Variants in SAMD4A observed in about 807,000 individuals in gnomAD.
SAMD4A encodes the protein protein Smaug homolog 1.
Under a neutral mutation model 81.3 loss-of-function variants are expected in SAMD4A, and 33 were observed. The ratio of observed to expected loss-of-function variants is 0.41; its 90% CI spans 0.31 to 0.54. The LOEUF is 0.54. Among genes scored for constraint, SAMD4A ranks in the 20% least tolerant of loss-of-function variants. SAMD4A has a pLI of 0.37. For missense variants in SAMD4A, 854 were observed against 951.1 expected, an observed-to-expected ratio of 0.90 and a Z score of 1.34; for synonymous variants, 389 against 382.1, an observed-to-expected ratio of 1.02 and a Z score of -0.21.
chr14:54,763,846 A>G (rs769020350), intron 7 of SAMD4A, among the ~76,000 whole-genome samples: 1 of 152,140 alleles, frequency 6.6e-6, no homozygotes, highest in Non-Finnish European at 1.5e-5. Context: ...ACTCTGTTCC[A>G]TCCTATTTAG....
chr14:54,672,027 T>G (rs927643010), intron 2 of SAMD4A, among the ~76,000 whole-genome samples: 14 of 150,962 alleles, frequency 9.3e-5, no homozygotes, highest in African/African-American at 2.4e-4. Flanking sequence ...AGTGTTTTTT[T>G]TTTTTTTTTT....
chr14:54,734,206 C>T (rs761209650), intron 3 of SAMD4A, among the ~76,000 whole-genome samples: 2 of 152,186 alleles, frequency 1.3e-5, no homozygotes, highest in Non-Finnish European at 2.9e-5. Context: ...TGCCTCCAGG[C>T]CTTGGTTCCT....
chr14:54,773,535 G>T (rs1194562257), intron 9 of SAMD4A, among the ~76,000 whole-genome samples: 1 of 152,204 alleles, frequency 6.6e-6, no homozygotes, highest in African/African-American at 2.4e-5. Context: ...GACCTGAGGC[G>T]TGTCAGAGAG....
intron 2 of SAMD4A, among the ~76,000 whole-genome samples, chr14:54,646,080 G>T (rs1267944953): frequency 1.3e-5 from 2 of 152,206 alleles, no homozygotes; most frequent in Non-Finnish European, 2.9e-5. Flanking sequence ...TTTTGGGCCA[G>T]GAGTTTTCTT....
chr14:54,668,005 T>TCCC (rs1242999109), intron 2 of SAMD4A, among the ~76,000 whole-genome samples: 2 of 152,042 alleles, frequency 1.3e-5, no homozygotes, highest in African/African-American at 4.8e-5. Flanking sequence ...ACCCCGGCCC[T>TCCC]CCCGCAGGCT....
At chr14:54,692,513 A>C (rs1385527591) in intron 2 of SAMD4A, among the ~76,000 whole-genome samples, 1 of 152,182 alleles carries the variant, frequency 6.6e-6, no homozygotes, top group Non-Finnish European at 1.5e-5. Context: ...CTTGTGCAAC[A>C]GGGGCTAAAT....
intron 7 of SAMD4A, among the ~76,000 whole-genome samples, chr14:54,763,243 G>A (rs981271823): frequency 1.7e-4 from 26 of 151,794 alleles, no homozygotes; most frequent in East Asian, 1.2e-3. Flanking sequence ...AGCCGGACAC[G>A]GTGGCTCATG....
At chr14:54,624,357 C>T (rs1201579085) in intron 2 of SAMD4A, among the ~76,000 whole-genome samples, 2 of 152,222 alleles carry the variant, frequency 1.3e-5, no homozygotes, top group African/African-American at 4.8e-5. Flanking sequence ...AAAAAGAAGG[C>T]ATCAGACATC....
At chr14:54,636,603 G>A (rs1279616429) in intron 2 of SAMD4A, among the ~76,000 whole-genome samples, 1 of 152,210 alleles carries the variant, frequency 6.6e-6, no homozygotes, top group Non-Finnish European at 1.5e-5. Context: ...GCTCACACTT[G>A]GCTGACAGCA....
intron 3 of SAMD4A, among the ~76,000 whole-genome samples, chr14:54,723,022 G>A (rs1216641843): frequency 6.6e-6 from 1 of 152,072 alleles, no homozygotes; most frequent in Non-Finnish European, 1.5e-5. Flanking sequence ...TTGTGAGTCA[G>A]TGTTCATTTC....
intron 2 of SAMD4A, among the ~76,000 whole-genome samples, chr14:54,598,672 A>G (rs967576081): frequency 6.6e-6 from 1 of 152,210 alleles, no homozygotes; most frequent in Non-Finnish European, 1.5e-5. Context: ...TCTGGTTTTA[A>G]AGGAAACATA....
chr14:54,736,969 G>T, intron 3 of SAMD4A, 55 bp from the exon 4 acceptor site: 2 of 1,594,484 alleles, frequency 1.3e-6, no homozygotes, highest in East Asian at 2.2e-5. Context: ...GGGTTCTTCG[G>T]TGTCCCAGGA....
chr14:54,636,985 GGCATGGAACTGCATGA>G (rs1422581885), intron 2 of SAMD4A, among the ~76,000 whole-genome samples: 2 of 152,104 alleles, frequency 1.3e-5, no homozygotes, highest in East Asian at 3.9e-4. Context: ...CCAACTATAT[GGCATGGAACTGCATGA>G]GCTCACCAGG....
intron 5 of SAMD4A, among the ~76,000 whole-genome samples, chr14:54,749,198 A>G (rs1160692781): frequency 6.6e-6 from 1 of 152,172 alleles, no homozygotes; most frequent in Non-Finnish European, 1.5e-5. Flanking sequence ...GGCACACTTG[A>G]AAGTTCCAGG....
intron 2 of SAMD4A, among the ~76,000 whole-genome samples, chr14:54,666,015 C>CTAGGTAAACAT (rs2035749605): frequency 1.3e-5 from 2 of 152,178 alleles, no homozygotes; most frequent in African/African-American, 4.8e-5. Flanking sequence ...CTATGTTGTT[C>CTAGGTAAACAT]AGGTAAAACC....
At chr14:54,627,796 A>C (rs2140326960) in intron 2 of SAMD4A, among the ~76,000 whole-genome samples, 1 of 152,348 alleles carries the variant, frequency 6.6e-6, no homozygotes, top group African/African-American at 2.4e-5. Context: ...TATTATGTAT[A>C]AAATCCAGAC....
At chr14:54,616,506 TA>T (rs894978430) in intron 2 of SAMD4A, among the ~76,000 whole-genome samples, 4 of 152,198 alleles carry the variant, frequency 2.6e-5, no homozygotes, top group Non-Finnish European at 4.4e-5. Flanking sequence ...CAGTGCTCTT[TA>T]AAGCATGGGA....
At chr14:54,698,288 T>C (rs1466574113) in intron 2 of SAMD4A, among the ~76,000 whole-genome samples, 1 of 152,256 alleles carries the variant, frequency 6.6e-6, no homozygotes, top group Non-Finnish European at 1.5e-5. Flanking sequence ...CATATTTGTA[T>C]GCATTTATAT....
intron 3 of SAMD4A, among the ~76,000 whole-genome samples, chr14:54,706,914 T>C (rs1427062890): frequency 6.6e-6 from 1 of 151,950 alleles, no homozygotes; most frequent in Non-Finnish European, 1.5e-5. Flanking sequence ...ACATGCTGTA[T>C]TGGGGAAATG....
Sources: allele counts gnomAD v4.1 joint callset (sites outside exome capture counted in the v4.1 genomes callset), GRCh38; gene constraint gnomAD v4.1.1; transcripts MANE v1.5; gene names NCBI Gene and HGNC (gene_info 2026-07-23, HGNC 2026-07-21).